INPP4B: variants seen among roughly 807,000 people sequenced by gnomAD.
INPP4B encodes inositol polyphosphate-4-phosphatase type II B.
In INPP4B, 55 loss-of-function variants were observed where a neutral mutation model predicts 122.5. The ratio of observed to expected loss-of-function variants is 0.45; its 90% CI spans 0.36 to 0.56. The LOEUF (loss-of-function observed/expected upper bound fraction) is 0.56, where lower values mean the gene tolerates loss of function less well. Among genes scored for constraint, INPP4B ranks in the 20% least tolerant of loss-of-function variants. INPP4B has a pLI of 0.00. For missense variants in INPP4B, 1,000 were observed against 1,097.7 expected, an observed-to-expected ratio of 0.91 and a Z score of 1.26; for synonymous variants, 403 against 388.7, an observed-to-expected ratio of 1.04 and a Z score of -0.43.
chr4:142,190,649 GCAAT>G (rs754522960), intron 15 of INPP4B, among the ~76,000 whole-genome samples: 3 of 151,620 alleles, frequency 2.0e-5, no homozygotes, highest in Non-Finnish European at 4.4e-5. Context: ...AAAATTTAAA[GCAAT>G]CAGTGTTTGC....
chr4:142,366,553 C>T (rs1008417011), intron 7 of INPP4B, among the ~76,000 whole-genome samples: 2 of 152,126 alleles, frequency 1.3e-5, no homozygotes, highest in Admixed American at 1.3e-4. Context: ...TTTTAGTTTA[C>T]GTAGGCAAAT....
chr4:142,324,210 C>G (rs1379919814), intron 7 of INPP4B, among the ~76,000 whole-genome samples: 1 of 152,106 alleles, frequency 6.6e-6, no homozygotes, highest in African/African-American at 2.4e-5. Flanking sequence ...ACCTTGCCAG[C>G]ACCTTGATCT....
intron 25 of INPP4B, among the ~76,000 whole-genome samples, chr4:142,042,512 GTGTGTGTATGTATGTATGTA>G (rs149076765): frequency 2.8e-3 from 130 of 46,380 alleles, no homozygotes; most frequent in East Asian, 0.013. Flanking sequence ...CAATTTATGT[GTGTGTGTATGTATGTATGTA>G]TGTATGTATG....
At chr4:142,541,806 C>T (rs534837415) in intron 2 of INPP4B, among the ~76,000 whole-genome samples, 13 of 152,076 alleles carry the variant, frequency 8.5e-5, no homozygotes, top group African/African-American at 2.9e-4. Context: ...GCACATGTAA[C>T]GTTCTCAGCT....
intron 7 of INPP4B, among the ~76,000 whole-genome samples, chr4:142,357,332 G>T (rs371044961): frequency 6.6e-6 from 1 of 151,928 alleles, no homozygotes; most frequent in Non-Finnish European, 1.5e-5. Context: ...CTTTGCTAAC[G>T]GCACTGGTTA....
At chr4:142,442,247 C>T (rs1285193575) in intron 3 of INPP4B, among the ~76,000 whole-genome samples, 1 of 151,378 alleles carries the variant, frequency 6.6e-6, no homozygotes, top group African/African-American at 2.4e-5. Context: ...GCCATCTCCA[C>T]CAAAAAATAC....
At chr4:142,523,602 G>C (rs1409704216) in intron 2 of INPP4B, among the ~76,000 whole-genome samples, 2 of 151,976 alleles carry the variant, frequency 1.3e-5, no homozygotes, top group African/African-American at 4.8e-5. Context: ...TGTCCCTCCT[G>C]CATTGCTCTC....
At chr4:142,248,433 G>A (rs1272564249) in intron 11 of INPP4B, among the ~76,000 whole-genome samples, 1 of 150,966 alleles carries the variant, frequency 6.6e-6, no homozygotes, top group Admixed American at 6.6e-5. Flanking sequence ...CGCCTCCCGG[G>A]TTCAAGTGAT....
At chr4:142,702,239 A>G (rs1361104685) in intron 2 of INPP4B, among the ~76,000 whole-genome samples, 1 of 152,106 alleles carries the variant, frequency 6.6e-6, no homozygotes, top group African/African-American at 2.4e-5. Flanking sequence ...TTACAATTGG[A>G]CACAAAAGAC....
At chr4:142,056,931 T>G (rs1267999109) in intron 25 of INPP4B, among the ~76,000 whole-genome samples, 2 of 152,122 alleles carry the variant, frequency 1.3e-5, no homozygotes, top group Non-Finnish European at 2.9e-5. Flanking sequence ...AAATATACCT[T>G]GTCTCTTGTC....
chr4:142,654,043 A>G (rs2150553731), intron 2 of INPP4B, among the ~76,000 whole-genome samples: 1 of 152,302 alleles, frequency 6.6e-6, no homozygotes, highest in East Asian at 1.9e-4. Context: ...TGCAGCCATA[A>G]AAAATGATGA....
chr4:142,102,546 G>A (rs1157230793), intron 23 of INPP4B, among the ~76,000 whole-genome samples: 3 of 147,886 alleles, frequency 2.0e-5, no homozygotes, highest in African/African-American at 7.5e-5. Flanking sequence ...TGTATCAGCA[G>A]AGGTCTGAAG....
At chr4:142,548,908 A>C (rs1727324016) in intron 2 of INPP4B, among the ~76,000 whole-genome samples, 1 of 152,102 alleles carries the variant, frequency 6.6e-6, no homozygotes, top group Non-Finnish European at 1.5e-5. Context: ...CACCATTGTG[A>C]ATATTAATTA....
Position 142,547,020 on chromosome 4 carries a change from G to C in INPP4B, c.-190-84294C>G, listed in dbSNP as rs1193553436. 2.6e-5 allele frequency among the ~76,000 whole-genome samples: 4 copies of C among 151,556 alleles called. 1 individual carries two copies. Reference sequence around the variant, plus strand: ...ATTATTTCAGTTAACTTAATATTTTGACCATTTGTTTCATTCAAGATTCTT... The same window carrying C: ...ATTATTTCAGTTAACTTAATATTTTCACCATTTGTTTCATTCAAGATTCTT... On this transcript the variant is annotated intron_variant, in intron 2 of 25. Transcript: ENST00000262992.
At chr4:142,389,087 T>C (rs2148961239) in intron 7 of INPP4B, among the ~76,000 whole-genome samples, 1 of 152,092 alleles carries the variant, frequency 6.6e-6, no homozygotes, top group South Asian at 2.1e-4. Flanking sequence ...CTGTCTCTAC[T>C]ATAAACACAA....
chr4:142,684,377 A>G lies in INPP4B; in HGVS notation c.-191+41462T>C, dbSNP rs187865571. On this transcript the variant is annotated intron_variant, in intron 2 of 25. Transcript: ENST00000262992. ...ATAGAAAAGTCAAAAAGGCTCATAGAATTTGTCCAAGAGCACATGCTTGGT... is the reference window on the plus strand; with the variant it reads ...ATAGAAAAGTCAAAAAGGCTCATAGGATTTGTCCAAGAGCACATGCTTGGT... Among the ~76,000 whole-genome samples the G allele has an allele frequency of 5.4e-3, 825 of 152,162 alleles. 3 individuals carry two copies. Among genetic ancestry groups the G allele is most frequent in the Non-Finnish European group, 9.0e-3 (610 of 67,968 alleles).
intron 9 of INPP4B, among the ~76,000 whole-genome samples, chr4:142,278,003 C>T (rs561563037): frequency 3.2e-4 from 49 of 151,920 alleles, no homozygotes; most frequent in African/African-American, 1.1e-3. Context: ...GAAATCACCA[C>T]TAACAAACTT....
chr4:142,728,365 C>T lies in INPP4B; in HGVS notation c.-253-2464G>A, dbSNP rs114297923. Among the ~76,000 whole-genome samples, 431 of 152,310 alleles carry T rather than the reference C, an allele frequency of 2.8e-3. 5 individuals carry two copies. Among genetic ancestry groups the T allele is most frequent in the African/African-American group, 0.01 (416 of 41,576 alleles). On this transcript the variant is annotated intron_variant, in intron 1 of 25. Coordinates refer to ENST00000262992, the MANE Select transcript of INPP4B (RefSeq NM_001101669.3). ...CAATAACAATCCCTAACTCCAGGTG[C>T]AGGCATCAAGTAGACCAACATCTGC...
At chr4:142,834,835 T>G (rs892930642) in intron 1 of INPP4B, among the ~76,000 whole-genome samples, 4 of 152,112 alleles carry the variant, frequency 2.6e-5, no homozygotes, top group African/African-American at 9.7e-5. Flanking sequence ...TCCCTTGAGG[T>G]TTTGAGGGGC....
Sources: allele counts gnomAD v4.1 joint callset (sites outside exome capture counted in the v4.1 genomes callset), GRCh38; gene constraint gnomAD v4.1.1; transcripts MANE v1.5; gene names NCBI Gene and HGNC (gene_info 2026-07-23, HGNC 2026-07-21).